Variants in ZFAT observed in about 807,000 individuals in gnomAD.
The protein encoded by ZFAT is zinc finger and AT-hook domain containing, also known as zinc finger protein ZFAT.
ZFAT carries 64 observed loss-of-function variants against 117.7 expected under a neutral mutation model. The observed-to-expected ratio is 0.54, with a 90% CI of 0.44 to 0.67. The LOEUF (loss-of-function observed/expected upper bound fraction) is 0.67, where lower values mean the gene tolerates loss of function less well. ZFAT is among the 30% of genes least tolerant of loss of function. ZFAT has a pLI of 0.00. For synonymous variants in ZFAT, 679 were observed against 615.0 expected, an observed-to-expected ratio of 1.10 and a Z score of -1.54; for missense variants, 1,433 against 1,584.5, an observed-to-expected ratio of 0.90 and a Z score of 1.62.
intron 1 of ZFAT, among the ~76,000 whole-genome samples, 190 bp downstream of exon 1, chr8:134,712,655 G>A (rs1329191929): frequency 1.5e-5 from 2 of 132,624 alleles, no homozygotes. Flanking sequence ...GGATACCCCA[G>A]CGACTGAACG....
At chr8:134,659,765 G>C (rs1277322931) in intron 1 of ZFAT, among the ~76,000 whole-genome samples, 1 of 152,172 alleles carries the variant, frequency 6.6e-6, no homozygotes, top group African/African-American at 2.4e-5. Flanking sequence ...ACCAGAAAGA[G>C]GAAATGAGGA....
upstream of ZFAT, among the ~76,000 whole-genome samples, chr8:134,713,578 TTCC>T: frequency 1.3e-5 from 2 of 152,248 alleles, no homozygotes; most frequent in South Asian, 4.1e-4. Context: ...ACAAGGCGAC[TTCC>T]TCCTCTCTCG....
the ZFAT span, among the ~76,000 whole-genome samples, chr8:134,820,893 G>A: frequency 1.3e-5 from 2 of 152,218 alleles, no homozygotes; most frequent in Non-Finnish European, 2.9e-5. Context: ...AGACTGTAAT[G>A]TGTCTCGCCC....
intron 1 of ZFAT, among the ~76,000 whole-genome samples, chr8:134,659,568 T>A (rs773224736): frequency 5.3e-4 from 80 of 152,312 alleles, no homozygotes; most frequent in Non-Finnish European, 7.9e-4. Context: ...AAAGGGTGCA[T>A]GATGGCTTGT....
the ZFAT span, among the ~76,000 whole-genome samples, chr8:134,719,568 CT>C: frequency 6.6e-6 from 1 of 152,150 alleles, no homozygotes; most frequent in African/African-American, 2.4e-5. Context: ...GTTCTTTCAT[CT>C]GTAAAAGGGC....
intron 10 of ZFAT, among the ~76,000 whole-genome samples, chr8:134,582,765 C>A (rs1357550044): frequency 6.6e-6 from 1 of 152,042 alleles, no homozygotes; most frequent in Non-Finnish European, 1.5e-5. Flanking sequence ...GGCCCAACCC[C>A]CACACACACA....
At chr8:134,739,123 T>C in the ZFAT span, among the ~76,000 whole-genome samples, 2 of 152,196 alleles carry the variant, frequency 1.3e-5, no homozygotes, top group South Asian at 2.1e-4. Context: ...GGCCGTTCTA[T>C]ATCACCTCAG....
chr8:134,671,505 C>T (rs1832560949), intron 1 of ZFAT, among the ~76,000 whole-genome samples: 1 of 152,200 alleles, frequency 6.6e-6, no homozygotes, highest in South Asian at 2.1e-4. Context: ...ACAAAAACCA[C>T]ATGATTATCT....
At chr8:134,730,178 G>A in the ZFAT span, among the ~76,000 whole-genome samples, 1 of 152,214 alleles carries the variant, frequency 6.6e-6, no homozygotes, top group Non-Finnish European at 1.5e-5. Context: ...TACTGAGGGT[G>A]AAGCCTGCAC....
the ZFAT span, among the ~76,000 whole-genome samples, chr8:134,819,974 T>C: frequency 1.1e-3 from 171 of 152,280 alleles, no homozygotes; most frequent in Admixed American, 3.7e-3. Context: ...GAAATTTAAA[T>C]GCTCACAAAT....
chr8:134,523,442 C>T (rs920644538), intron 12 of ZFAT, among the ~76,000 whole-genome samples: 2 of 152,218 alleles, frequency 1.3e-5, no homozygotes, highest in African/African-American at 4.8e-5. Flanking sequence ...CCCACGCCTC[C>T]TGGCCAGGCC....
chr8:134,535,656 T>C (rs1272319031), intron 11 of ZFAT, among the ~76,000 whole-genome samples: 1 of 151,918 alleles, frequency 6.6e-6, no homozygotes, highest in Non-Finnish European at 1.5e-5. Flanking sequence ...AGTCCCTGGG[T>C]AAGGAATCCT....
At chr8:134,655,498 A>C in intron 2 of ZFAT, among the ~76,000 whole-genome samples, 1 of 151,934 alleles carries the variant, frequency 6.6e-6, no homozygotes, top group East Asian at 1.9e-4. Context: ...AAATACAAAA[A>C]TTAGGTGGGT....
At chr8:134,590,015 A>G (rs532815751) in intron 8 of ZFAT, among the ~76,000 whole-genome samples, 1 of 152,316 alleles carries the variant, frequency 6.6e-6, no homozygotes, top group African/African-American at 2.4e-5. Flanking sequence ...AGTTCCCATT[A>G]AAAGGGGCAG....
intron 3 of ZFAT, among the ~76,000 whole-genome samples, chr8:134,623,528 G>A (rs913488226): frequency 1.3e-5 from 2 of 152,150 alleles, no homozygotes; most frequent in Non-Finnish European, 2.9e-5. Context: ...CTCAAGGTTG[G>A]CAGGGATGCC....
chr8:134,717,419 T>C (rs1235078114), upstream of ZFAT, among the ~76,000 whole-genome samples: 1 of 141,012 alleles, frequency 7.1e-6, no homozygotes, highest in East Asian at 2.1e-4. Context: ...AGTATAAAAA[T>C]ATGTTTTGTA....
At position 134,679,352 on chromosome 8, in the gene ZFAT, T is replaced by C. The variant is rs559459375; in HGVS notation, c.20-21615A>G. Among the ~76,000 whole-genome samples, 24 of 152,362 alleles carry C rather than the reference T, an allele frequency of 1.6e-4. No homozygotes were observed. The South Asian group carries it at 4.8e-3, about 30-fold the overall frequency. On this transcript the variant is annotated intron_variant, in intron 1 of 15. Transcript: ENST00000377838. ...CATATGAAAAAATGCTCATCATCAC[T>C]GGTTGTTAGAGAAATGCAAATCAAA...
chr8:134,610,489 A>T lies in ZFAT; in HGVS notation c.615T>A (p.Thr205=). 1 of 1,613,618 alleles carries T rather than the reference A, an allele frequency of 6.2e-7. No homozygotes were observed. The highest frequency in any genetic ancestry group is 1.1e-5 in the South Asian group (1 of 90,942). ...AGTCACCTGGAATTGCTTCGTGTGCAGTTAAAACCACACTTATGATGGGTT... is the reference window on the plus strand; with the variant it reads ...AGTCACCTGGAATTGCTTCGTGTGCTGTTAAAACCACACTTATGATGGGTT... The part of the protein sequence containing the change: ...AKKPIISVVL[T]AHEAIPGATK... The change falls in exon 4 of 16, where the codon ACT becomes ACA. Residue 205 remains threonine (T), a synonymous_variant. Transcript: ENST00000377838.
the ZFAT span, among the ~76,000 whole-genome samples, chr8:134,770,756 C>T: frequency 5.3e-5 from 8 of 152,170 alleles, no homozygotes; most frequent in East Asian, 7.7e-4. Context: ...TTTTTCTCAG[C>T]GTGGAACATC....
Sources: gnomAD v4.1 joint callset for allele counts (sites outside exome capture counted in the v4.1 genomes callset) on GRCh38, gnomAD v4.1.1 for gene constraint, MANE v1.5 for transcripts, NCBI Gene and HGNC (gene_info 2026-07-23, HGNC 2026-07-21) for gene names.